Variants in ADCY9 observed in about 807,000 individuals in gnomAD.
ADCY9 encodes adenylate cyclase type 9.
In ADCY9, 50 loss-of-function variants were observed where a neutral mutation model predicts 101.5. That is an observed-to-expected ratio of 0.49 (90% CI 0.39 to 0.62). The LOEUF is 0.62. Ranked by LOEUF, ADCY9 falls within the 20% of genes least tolerant of loss-of-function variation. The pLI is 0.00. For missense variants in ADCY9, 1,662 were observed against 1,800.4 expected (o/e 0.92, Z 1.39); for synonymous variants, 905 against 769.3 (o/e 1.18, Z -2.92).
In ADCY9 at chr16:4,007,490, G is replaced by A; in HGVS notation, c.1762C>T (p.Leu588Phe). 1.2e-6 allele frequency: 2 copies of A among 1,614,094 alleles called. No individual in the cohort carries two copies. Among genetic ancestry groups the A allele is most frequent in the Non-Finnish European group, 1.7e-6 (2 of 1,180,016 alleles). ...ESRCSCAEAL[L>F]SGFEVIDGSQ... ...CCGTCAATGACCTCAAAGCCAGAAA[G>A]CAAGGCCTCTGCACAGCTGCAGCGA... Residue 588 changes from leucine to phenylalanine, a missense_variant, in exon 3 of 11, where the codon CTT becomes TTT. Leu to Phe is a conservative substitution (Grantham distance 22, BLOSUM62 0). Coordinates refer to ENST00000294016, the MANE Select transcript of ADCY9 (RefSeq NM_001116.4).
At chr16:3,953,983 A>G (rs1316788786) in intron 5 of ADCY9, among the ~76,000 whole-genome samples, 2 of 152,206 alleles carry the variant, frequency 1.3e-5, no homozygotes, top group Non-Finnish European at 2.9e-5. Context: ...TAACTGGATC[A>G]TCTCACGGAT....
intron 3 of ADCY9, among the ~76,000 whole-genome samples, chr16:3,994,616 C>T (rs1567429085): frequency 2.6e-5 from 4 of 152,110 alleles, no homozygotes; most frequent in African/African-American, 7.2e-5. Flanking sequence ...CCACCACGCC[C>T]GGCTACTTGT....
At chr16:4,039,718 G>T (rs1457186561) in intron 2 of ADCY9, among the ~76,000 whole-genome samples, 3 of 144,116 alleles carry the variant, frequency 2.1e-5, no homozygotes, top group Admixed American at 1.4e-4. Flanking sequence ...TTGCACCCTT[G>T]AAAGTTAAAA....
At position 4,088,067 on chromosome 16, in the gene ADCY9, G is replaced by A. The variant is rs556767729; in HGVS notation, c.1693+25683C>T. 6.6e-5 allele frequency among the ~76,000 whole-genome samples: 10 copies of A among 150,936 alleles called. 1 individual carries two copies. The South Asian group carries it at 8.4e-4, about 13-fold the overall frequency. ...ACTACAGGTATGTGCCACCATGCCC[G>A]GCTAACTTGTTACTATTAATGAGGC... is the stretch of plus-strand genomic sequence containing the variant. On this transcript the variant is annotated intron_variant, in intron 2 of 10. Coordinates refer to ENST00000294016, the MANE Select transcript of ADCY9 (RefSeq NM_001116.4).
intron 2 of ADCY9, among the ~76,000 whole-genome samples, chr16:4,047,020 C>G (rs2056669748): frequency 1.3e-5 from 2 of 151,712 alleles, no homozygotes. Context: ...AAACAAAAAA[C>G]AAAAAACTAC....
downstream of ADCY9, among the ~76,000 whole-genome samples, chr16:3,959,232 G>A (rs752453497): frequency 2.0e-5 from 3 of 152,014 alleles, no homozygotes; most frequent in East Asian, 3.9e-4. Flanking sequence ...GTAGTGGCAC[G>A]CACTTGTAGT....
intron 2 of ADCY9, among the ~76,000 whole-genome samples, chr16:4,098,610 C>T (rs112127420): frequency 2.0e-5 from 3 of 152,212 alleles, no homozygotes; most frequent in African/African-American, 7.2e-5. Context: ...GGCTATATTC[C>T]CAGCACTAGG....
At chr16:3,994,836 C>T (rs773311295) in intron 3 of ADCY9, among the ~76,000 whole-genome samples, 29 of 152,260 alleles carry the variant, frequency 1.9e-4, no homozygotes, top group African/African-American at 4.6e-4. Flanking sequence ...ACCAACTATG[C>T]GAGGACACAA....
chr16:3,992,136 C>T lies in ADCY9; in HGVS notation c.2207+10G>A, dbSNP rs768954951. The stretch of plus-strand genomic sequence containing the variant: ...AACCTTTGCTTTTTCCCAGACAGCC[C>T]CAGTCGTACCTGTCTTCTTTGATAA... On this transcript the variant is annotated intron_variant, in intron 5 of 10. Coordinates refer to ENST00000294016, the MANE Select transcript of ADCY9 (RefSeq NM_001116.4). The surrounding 1 kb of genome is among the most constrained non-coding windows in gnomAD (Gnocchi z 4.2). 1.9e-6 allele frequency: 3 copies of T among 1,613,264 alleles called. No individual in the cohort carries two copies. In the African/African-American group the frequency reaches 4.0e-5, roughly 22 times the overall value.
intron 2 of ADCY9, among the ~76,000 whole-genome samples, chr16:4,049,617 T>C (rs2056687845): frequency 6.6e-6 from 1 of 152,112 alleles, no homozygotes; most frequent in Non-Finnish European, 1.5e-5. Context: ...AGTGACCCTC[T>C]GAGTCAAAAA....
intron 3 of ADCY9, among the ~76,000 whole-genome samples, chr16:3,994,447 A>G (rs1016626958): frequency 2.6e-5 from 4 of 152,250 alleles, no homozygotes; most frequent in African/African-American, 9.6e-5. Context: ...GTACACTTTA[A>G]AAAGATCGAT....
chr16:4,091,833 G>T (rs2056975572), intron 2 of ADCY9, among the ~76,000 whole-genome samples: 1 of 152,222 alleles, frequency 6.6e-6, no homozygotes, highest in Non-Finnish European at 1.5e-5. Flanking sequence ...GCTGCTTAGT[G>T]GGTGTAGGGT....
At chr16:4,013,491 A>C (rs571048444) in intron 2 of ADCY9, among the ~76,000 whole-genome samples, 1 of 152,344 alleles carries the variant, frequency 6.6e-6, no homozygotes, top group African/African-American at 2.4e-5. Flanking sequence ...ATCAGGAAGG[A>C]AAGAATGTTT....
In ADCY9 at chr16:3,992,916, G is replaced by C. The variant is rs185757188; in HGVS notation, c.1989+490C>G. ...CGAGAGCCCGCGCCCCAGGTGAGTC[G>C]CCTGCATGAGCCCCCGCCGACAGGC... On this transcript the variant is annotated intron_variant, in intron 4 of 10. Coordinates refer to ENST00000294016, the MANE Select transcript of ADCY9 (RefSeq NM_001116.4). This position sits in a 1 kb window ranked among gnomAD's most constrained non-coding sequence, Gnocchi z 4.2. Among the ~76,000 whole-genome samples the C allele has an allele frequency of 3.3e-5, 5 of 152,084 alleles. No individual in the cohort carries two copies. Among genetic ancestry groups the C allele is most frequent in the African/African-American group, 9.7e-5 (4 of 41,418 alleles).
chr16:4,041,755 GTTT>G (rs35300888), intron 2 of ADCY9, among the ~76,000 whole-genome samples: 5 of 135,954 alleles, frequency 3.7e-5, no homozygotes, highest in Non-Finnish European at 3.2e-5. Context: ...GATTTTTTTT[GTTT>G]TTTTTTTTTT....
rs1245864546 is a variant in ADCY9, at chr16:3,992,291, T to C, written c.2062A>G (p.Ser688Gly). 6.2e-7 allele frequency: 1 copy of C among 1,614,114 alleles called. No individual in the cohort carries two copies. The highest frequency in any genetic ancestry group is 1.1e-5 in the South Asian group (1 of 91,084). The change falls in exon 5 of 11, where the codon AGT (serine) becomes GGT (glycine). Residue 688 changes from serine (S) to glycine (G), a missense_variant. By Grantham distance (56) the Ser-to-Gly change is moderately conservative (BLOSUM62 0). Coordinates refer to ENST00000294016, the MANE Select transcript of ADCY9 (RefSeq NM_001116.4). The surrounding 1 kb of genome is among the most constrained non-coding windows in gnomAD (Gnocchi z 4.2). ...AAGATCTCACACAGAGAAGTCTGAC[T>C]GTTGGTGAGCTTCTCCTCTTGGGGA... ...SPPQEEKLTN[S>G]QTSLCEILQE...
At chr16:4,047,259 C>T (rs74005705) in intron 2 of ADCY9, among the ~76,000 whole-genome samples, 2,212 of 151,966 alleles carry the variant, frequency 0.015, 56 homozygotes, top group African/African-American at 0.05. Context: ...TTTGGACACC[C>T]TTCTCCTTTT....
rs369194126 is a variant in ADCY9 at position 4,049,148 on chromosome 16, GC to G, written c.1694-41591del. 4.5e-4 allele frequency among the ~76,000 whole-genome samples: 68 copies of G among 152,318 alleles called. No homozygotes were observed. In the South Asian group the frequency reaches 6.2e-3, roughly 14 times the overall value. ...AACTGGAATTCCTAAAAGAGTGGTT[GC>G]CAAGCTCACCCAGAAGAGGAGGTCC... is the stretch of plus-strand genomic sequence containing the variant. On this transcript the variant is annotated intron_variant, in intron 2 of 10. Coordinates refer to ENST00000294016, the MANE Select transcript of ADCY9 (RefSeq NM_001116.4).
chr16:3,989,414 C>T (rs927347770), intron 5 of ADCY9, among the ~76,000 whole-genome samples: 7 of 151,706 alleles, frequency 4.6e-5, no homozygotes, highest in African/African-American at 1.2e-4. Context: ...CTCACTCTGT[C>T]GCCCAGGCTG....
Sources: gnomAD v4.1 joint callset for allele counts (sites outside exome capture counted in the v4.1 genomes callset) on GRCh38, gnomAD v4.1.1 for gene constraint, Gnocchi (gnomAD v3.1) non-coding constraint, MANE v1.5 for transcripts, NCBI Gene and HGNC (gene_info 2026-07-23, HGNC 2026-07-21) for gene names.